The following SYBU variants were observed in gnomAD, a reference collection of about 807,000 sequenced individuals.
SYBU encodes syntabulin.
Under a neutral mutation model 35.9 loss-of-function variants are expected in SYBU, and 21 were observed. That is an observed-to-expected ratio of 0.58 (90% CI 0.41 to 0.84). SYBU has a LOEUF of 0.84. Ranked by LOEUF, SYBU falls within the 40% of genes least tolerant of loss-of-function variation. The probability of loss-of-function intolerance (pLI) is 0.00; values close to 1 mark genes in which losing one functional copy is unlikely to be tolerated. For synonymous variants in SYBU, 319 were observed against 324.3 expected (o/e 0.98, Z 0.18); for missense variants, 768 against 848.2 (o/e 0.91, Z 1.17).
At chr8:109,671,932 G>C (rs766119333) in intron 1 of SYBU, among the ~76,000 whole-genome samples, 1 of 151,932 alleles carries the variant, frequency 6.6e-6, no homozygotes, top group African/African-American at 2.4e-5. Context: ...ATGGAGTTTC[G>C]CTCTTGTTGC....
intron 1 of SYBU, among the ~76,000 whole-genome samples, chr8:109,672,531 A>T (rs940167637): frequency 6.6e-6 from 1 of 152,178 alleles, no homozygotes; most frequent in African/African-American, 2.4e-5. Flanking sequence ...GGTCTTCACA[A>T]CCCACAGACC....
chr8:109,662,461 C>T (rs1203811169), intron 1 of SYBU, among the ~76,000 whole-genome samples: 2 of 152,184 alleles, frequency 1.3e-5, no homozygotes, highest in African/African-American at 2.4e-5. Flanking sequence ...TCAAAAACTA[C>T]TCCTGGTCTA....
At chr8:109,676,558 T>C (rs1817197738) in intron 1 of SYBU, among the ~76,000 whole-genome samples, 1 of 152,196 alleles carries the variant, frequency 6.6e-6, no homozygotes, top group Admixed American at 6.5e-5. Context: ...ATATAGCAAA[T>C]GTAAGTCATT....
At chr8:109,601,769 T>TATGGAGTC (rs1432602766) in intron 3 of SYBU, among the ~76,000 whole-genome samples, 1 of 152,158 alleles carries the variant, frequency 6.6e-6, no homozygotes, top group African/African-American at 2.4e-5. Context: ...TTAGTACATA[T>TATGGAGTC]ATGGAGTCCC....
At chr8:109,651,856 A>C (rs929214889) in intron 1 of SYBU, among the ~76,000 whole-genome samples, 1 of 152,166 alleles carries the variant, frequency 6.6e-6, no homozygotes, top group African/African-American at 2.4e-5. Context: ...GGAAGCAATA[A>C]GTTTTCTCTC....
At chr8:109,655,781 T>G (rs1249690830) in intron 1 of SYBU, among the ~76,000 whole-genome samples, 1 of 152,226 alleles carries the variant, frequency 6.6e-6, no homozygotes, top group Non-Finnish European at 1.5e-5. Context: ...TGTATTTTTC[T>G]TGTTATAACA....
chr8:109,654,296 A>G (rs1177754214), intron 1 of SYBU, among the ~76,000 whole-genome samples: 2 of 152,142 alleles, frequency 1.3e-5, no homozygotes, highest in East Asian at 1.9e-4. Flanking sequence ...AGCTCTACCA[A>G]ATAGCTCTTG....
rs74543481 is a variant in SYBU, at chr8:109,651,177, C to T, written c.-129+29534G>A. On this transcript the variant is annotated intron_variant, in intron 1 of 5. Coordinates refer to the SYBU transcript ENST00000408889. ...CTAGATATCTGGTCCTGGTGGAGACCGGACCCATCTGAAGCTTCAGAAAAA... is the reference window on the plus strand; with the variant it reads ...CTAGATATCTGGTCCTGGTGGAGACTGGACCCATCTGAAGCTTCAGAAAAA... Among the ~76,000 whole-genome samples, 788 of 152,196 alleles carry T rather than the reference C, an allele frequency of 5.2e-3. 5 individuals carry two copies. Among genetic ancestry groups the T allele is most frequent in the African/African-American group, 0.017 (705 of 41,526 alleles).
chr8:109,665,355 A>G (rs890770484), intron 1 of SYBU, among the ~76,000 whole-genome samples: 2 of 152,188 alleles, frequency 1.3e-5, no homozygotes, highest in African/African-American at 4.8e-5. Flanking sequence ...GCCTCATACT[A>G]CCACATTGGA....
intron 1 of SYBU, among the ~76,000 whole-genome samples, chr8:109,670,093 A>T (rs549704063): frequency 6.6e-6 from 1 of 152,200 alleles, no homozygotes; most frequent in East Asian, 1.9e-4. Context: ...TAACAGAATT[A>T]TGAGCAGAAC....
At chr8:109,590,721 T>C (rs1184808763) in intron 3 of SYBU, among the ~76,000 whole-genome samples, 1 of 146,890 alleles carries the variant, frequency 6.8e-6, no homozygotes, top group African/African-American at 2.6e-5. Flanking sequence ...TTCTAACACA[T>C]GATAAAAGGT....
At chr8:109,668,762 A>G (rs926684902) in intron 1 of SYBU, among the ~76,000 whole-genome samples, 5 of 152,230 alleles carry the variant, frequency 3.3e-5, no homozygotes, top group African/African-American at 7.2e-5. Context: ...TTTATTTTCA[A>G]ACTTGACAGT....
chr8:109,650,909 C>T (rs1573853), intron 1 of SYBU, among the ~76,000 whole-genome samples: 1 of 152,018 alleles, frequency 6.6e-6, no homozygotes, highest in African/African-American at 2.4e-5. Flanking sequence ...TCAATTATCC[C>T]TATTCCTTCT....
intron 1 of SYBU, among the ~76,000 whole-genome samples, chr8:109,669,462 A>G (rs1816896643): frequency 6.6e-6 from 1 of 152,188 alleles, no homozygotes; most frequent in South Asian, 2.1e-4. Flanking sequence ...GTATTATAAT[A>G]TAAAACATAT....
chr8:109,661,870 T>C (rs1421057394), intron 1 of SYBU, among the ~76,000 whole-genome samples: 1 of 152,208 alleles, frequency 6.6e-6, no homozygotes, highest in African/African-American at 2.4e-5. Context: ...ATATTTAAAA[T>C]TGACATTTCT....
intron 2 of SYBU, among the ~76,000 whole-genome samples, chr8:109,639,876 G>A (rs1416314646): frequency 6.6e-6 from 1 of 152,010 alleles, no homozygotes; most frequent in Non-Finnish European, 1.5e-5. Flanking sequence ...CCCACCAACC[G>A]GCCTCCTAAA....
At chr8:109,684,886 G>A (rs1817484523), upstream of SYBU, among the ~76,000 whole-genome samples, 1 of 152,090 alleles carries the variant, frequency 6.6e-6, no homozygotes, top group South Asian at 2.1e-4. Context: ...GAAGAGGGAG[G>A]AAAATGACTT....
rs112049019 is a variant in SYBU, at chr8:109,579,659, G to A, written c.734+140C>T. The A allele has an allele frequency of 9.3e-3, 7,088 of 760,596 alleles. 58 individuals carry two copies. The highest frequency in any genetic ancestry group is 0.015 in the South Asian group (787 of 53,642). The allele number at this position is 760,596 out of a possible 1,614,324, so 47.1% of individuals were successfully genotyped here. On this transcript the variant is annotated intron_variant, in intron 5 of 6. Coordinates refer to ENST00000276646, the MANE Select transcript of SYBU (RefSeq NM_001099754.2). ...TGCAGCAGCCCTTGAGGAATGAGCCGAATGTGGGAAAGAAAAATGCAGTGT... is the reference window on the plus strand; with the variant it reads ...TGCAGCAGCCCTTGAGGAATGAGCCAAATGTGGGAAAGAAAAATGCAGTGT...
At chr8:109,625,068 A>G (rs1253070365) in intron 2 of SYBU, among the ~76,000 whole-genome samples, 1 of 152,200 alleles carries the variant, frequency 6.6e-6, no homozygotes, top group Non-Finnish European at 1.5e-5. Context: ...CTGTCATACC[A>G]AGGAATTATG....
Sources: allele counts gnomAD v4.1 joint callset (sites outside exome capture counted in the v4.1 genomes callset), GRCh38; gene constraint gnomAD v4.1.1; transcripts MANE v1.5; gene names NCBI Gene and HGNC (gene_info 2026-07-23, HGNC 2026-07-21).